The following CAMSAP2 variants were observed in gnomAD, a reference collection of about 807,000 sequenced individuals.
CAMSAP2 encodes the protein calmodulin regulated spectrin associated protein family member 2, also known as calmodulin-regulated spectrin-associated protein 2.
CAMSAP2 carries 26 observed loss-of-function variants against 146.1 expected under a neutral mutation model. The ratio of observed to expected loss-of-function variants is 0.18; its 90% confidence interval spans 0.13 to 0.25. CAMSAP2 has a LOEUF of 0.25. Among genes scored for constraint, CAMSAP2 ranks in the 10% least tolerant of loss-of-function variants. The probability of loss-of-function intolerance (pLI) is 1.00; values close to 1 mark genes in which losing one functional copy is unlikely to be tolerated. For missense variants in CAMSAP2, 1,381 were observed against 1,759.3 expected (o/e 0.78, Z 3.85); for synonymous variants, 499 against 596.6 (o/e 0.84, Z 2.38).
intron 1 of CAMSAP2, among the ~76,000 whole-genome samples, chr1:200,759,184 C>T (rs1571722906): frequency 6.7e-6 from 1 of 149,008 alleles, no homozygotes; most frequent in South Asian, 2.2e-4. Flanking sequence ...GGTGTCTCTT[C>T]ACATCTTTTT....
chr1:200,840,703 T>A (rs1667304106), intron 6 of CAMSAP2, among the ~76,000 whole-genome samples: 1 of 152,196 alleles, frequency 6.6e-6, no homozygotes, highest in African/African-American at 2.4e-5. Context: ...GTTTAAGGAT[T>A]ATTCATAATT....
At position 200,856,085 on chromosome 1, in the gene CAMSAP2, A is replaced by G. The variant is rs1283577496; in HGVS notation, c.3972A>G (p.Ala1324=). ...ATGGAGAAAAAGACTGGGAGAATGC[A>G]TCAACAACTTCTTCAGTGGCTTCTG... ...SRNGEKDWEN[A]STTSSVASGT... The change falls in exon 15 of 17, where the codon GCA becomes GCG. Residue 1324 remains alanine, a synonymous_variant. Coordinates refer to ENST00000358823, the MANE Select transcript of CAMSAP2 (RefSeq NM_203459.4). 6.2e-7 allele frequency: 1 copy of G among 1,613,964 alleles called. No individual in the cohort carries two copies.
At chr1:200,855,701 A>AT (rs2102268269) in intron 14 of CAMSAP2, among the ~76,000 whole-genome samples, 1 of 151,682 alleles carries the variant, frequency 6.6e-6, no homozygotes, top group African/African-American at 2.4e-5. Flanking sequence ...GCTTCAAGTG[A>AT]TTCTTCTGCC....
rs1558185945 is a variant in CAMSAP2 at position 200,807,507 on chromosome 1, T to G, written c.531T>G (p.Ile177Met). Residue 177 changes from isoleucine to methionine, a missense_variant, in exon 3 of 17, where the codon ATT becomes ATG. Coordinates refer to ENST00000358823, the MANE Select transcript of CAMSAP2 (RefSeq NM_203459.4). ...AAGCCACAGATCTGCCCTATGATAT[T>G]GAGGACGCTGTCATGTACTGGATAA... Reference protein sequence around the residue: ...FFQATDLPYDIEDAVMYWINK... With the variant: ...FFQATDLPYDMEDAVMYWINK... 6.2e-7 allele frequency: 1 copy of G among 1,611,418 alleles called. No individual in the cohort carries two copies. Among genetic ancestry groups the G allele is most frequent in the Non-Finnish European group, 8.5e-7 (1 of 1,178,876 alleles).
chr1:200,791,408 C>T (rs1665748581), intron 2 of CAMSAP2, among the ~76,000 whole-genome samples: 1 of 151,886 alleles, frequency 6.6e-6, no homozygotes, highest in African/African-American at 2.4e-5. Context: ...TTATAGTTTT[C>T]ATCAAAATTG....
chr1:200,763,635 ATTGT>A (rs1415620463), intron 2 of CAMSAP2, among the ~76,000 whole-genome samples: 1 of 152,174 alleles, frequency 6.6e-6, no homozygotes. Flanking sequence ...CTGTGTTTTA[ATTGT>A]TTACTTTCAA....
At position 200,832,747 on chromosome 1, in the gene CAMSAP2, T is replaced by C. The variant is rs1346979002; in HGVS notation, c.829T>C (p.Tyr277His). 2 of 1,611,608 alleles carry C rather than the reference T, an allele frequency of 1.2e-6. No individual in the cohort carries two copies. The highest frequency in any genetic ancestry group is 1.7e-6 in the Non-Finnish European group (2 of 1,178,610). ...AACTATGTCTTTGGCTGATAGCCTG[T>C]ATAATCTGCAGCTGATTCAAGAATT... ...KETMSLADSL[Y>H]NLQLIQEFCQ... is the part of the protein sequence containing the mutation. The change falls in exon 6 of 17, where the codon TAT becomes CAT. Residue 277 changes from tyrosine (Y) to histidine (H), a missense_variant. Tyr to His is a moderately conservative substitution (Grantham distance 83, BLOSUM62 2). Coordinates refer to ENST00000358823, the MANE Select transcript of CAMSAP2 (RefSeq NM_203459.4). The surrounding 1 kb of genome is among the most constrained non-coding windows in gnomAD (Gnocchi z 4.2).
intron 2 of CAMSAP2, among the ~76,000 whole-genome samples, chr1:200,770,630 G>A (rs947105771): frequency 6.6e-6 from 1 of 152,100 alleles, no homozygotes; most frequent in African/African-American, 2.4e-5. Context: ...TAGCCAGGAT[G>A]GTCTCAGTCT....
intron 1 of CAMSAP2, 68 bp from the exon 2 acceptor site, chr1:200,760,768 AATT>A (rs1664777680): frequency 4.6e-6 from 5 of 1,090,008 alleles, no homozygotes; most frequent in Admixed American, 2.4e-5. Flanking sequence ...CATAAATAAT[AATT>A]ATTAATTAAA....
chr1:200,781,688 T>C (rs1234831473), intron 2 of CAMSAP2, among the ~76,000 whole-genome samples: 1 of 151,966 alleles, frequency 6.6e-6, no homozygotes, highest in African/African-American at 2.4e-5. Flanking sequence ...ATTACAGGGA[T>C]GCTCACTATA....
In CAMSAP2 at chr1:200,832,469, T is replaced by A; in HGVS notation, c.787+128T>A. On this transcript the variant is annotated intron_variant, in intron 5 of 16. Transcript: ENST00000358823. The surrounding 1 kb of genome is among the most constrained non-coding windows in gnomAD (Gnocchi z 4.2). ...GTCTCAAAAAAAAGACAATATTATT[T>A]AATAAGTACTGAAGACTTTTTTTTA... 1.1e-6 allele frequency: 1 copy of A among 924,284 alleles called. No homozygotes were observed. Among genetic ancestry groups the A allele is most frequent in the Non-Finnish European group, 1.5e-6 (1 of 650,824 alleles). The allele number at this position is 924,284 out of a possible 1,614,324, so 57.3% of individuals were successfully genotyped here.
intron 2 of CAMSAP2, among the ~76,000 whole-genome samples, chr1:200,776,991 G>T (rs1490228578): frequency 1.3e-5 from 2 of 152,104 alleles, no homozygotes; most frequent in African/African-American, 4.8e-5. Flanking sequence ...TCAAAGGAGA[G>T]AGAAGGACAA....
intron 1 of CAMSAP2, among the ~76,000 whole-genome samples, chr1:200,760,166 C>T (rs548374562): frequency 6.6e-6 from 1 of 152,174 alleles, no homozygotes; most frequent in South Asian, 2.1e-4. Context: ...AGTTGGGTGC[C>T]CAGGAAGTCT....
chr1:200,811,925 A>C (rs1339674345), intron 3 of CAMSAP2, among the ~76,000 whole-genome samples: 1 of 151,662 alleles, frequency 6.6e-6, no homozygotes, highest in East Asian at 1.9e-4. Flanking sequence ...GAACCGTTGA[A>C]CCTCATGTTT....
intron 6 of CAMSAP2, among the ~76,000 whole-genome samples, chr1:200,836,707 AAC>A (rs1038299378): frequency 2.6e-5 from 4 of 152,186 alleles, no homozygotes; most frequent in Admixed American, 6.5e-5. Context: ...CACTCCTACC[AAC>A]AGTGTGTAAA....
At chr1:200,774,618 G>A (rs1208635768) in intron 2 of CAMSAP2, among the ~76,000 whole-genome samples, 1 of 152,180 alleles carries the variant, frequency 6.6e-6, no homozygotes, top group East Asian at 1.9e-4. Flanking sequence ...AAGGAATCAT[G>A]TGTTATTATA....
Position 200,849,587 on chromosome 1 carries a change from G to A in CAMSAP2, c.2818G>A (p.Gly940Ser). ...IRDFKPSKQA[G>S]LSSAIAPFSS... is the part of the protein sequence containing the mutation. ...AGATTTTAAGCCTTCTAAGCAGGCA[G>A]GCCTGTCATCAGCCATTGCACCATT... Residue 940 changes from glycine (G) to serine (S), a missense_variant, in exon 11 of 17, where the codon GGC (glycine) becomes AGC (serine). By Grantham distance (56) the Gly-to-Ser change is moderately conservative. This residue lies in a region of CAMSAP2 where 560 missense variants were observed against 715.9 expected (regional missense o/e 0.78). Transcript: ENST00000358823. The surrounding 1 kb of genome is among the most constrained non-coding windows in gnomAD (Gnocchi z 6.3). 1 of 1,614,174 alleles carries A rather than the reference G, an allele frequency of 6.2e-7. No individual in the cohort carries two copies. The highest frequency in any genetic ancestry group is 2.2e-5 in the East Asian group (1 of 44,884).
In CAMSAP2 at chr1:200,857,503, G is replaced by A; in HGVS notation, c.4131+79G>A. The A allele has an allele frequency of 1.0e-6, 1 of 976,870 alleles. No homozygotes were observed. Among genetic ancestry groups the A allele is most frequent in the African/African-American group, 1.6e-5 (1 of 60,940 alleles). 60.5% of individuals were successfully genotyped at this position (976,870 alleles called of 1,614,324 possible). A position where few individuals can be genotyped will look rare whatever the true frequency, so the allele number is the denominator to read the frequency against. ...CATTCAAGAGAATGTACTCTCATGG[G>A]CCTAGACTTTCAACAGCATGTAAAA... On this transcript the variant is annotated intron_variant, in intron 16 of 16. Transcript: ENST00000358823. This position sits in a 1 kb window ranked among gnomAD's most constrained non-coding sequence, Gnocchi z 4.7.
chr1:200,815,704 G>A, intron 4 of CAMSAP2, 60 bp downstream of exon 4: 1 of 823,604 alleles, frequency 1.2e-6, no homozygotes, highest in Non-Finnish European at 1.8e-6. Flanking sequence ...TCACATATTT[G>A]TATTATTTTG....
Sources: gnomAD v4.1 joint callset for allele counts (sites outside exome capture counted in the v4.1 genomes callset) on GRCh38, gnomAD v4.1.1 for gene constraint, gnomAD v4.1.1 regional missense constraint, Gnocchi (gnomAD v3.1) non-coding constraint, MANE v1.5 for transcripts, NCBI Gene and HGNC (gene_info 2026-07-23, HGNC 2026-07-21) for gene names.